Variants in RBFOX1 observed in about 807,000 individuals in gnomAD.
RBFOX1 encodes the protein RNA binding fox-1 homolog 1.
A neutral mutation model predicts 57.7 loss-of-function variants in RBFOX1; 8 were observed. The ratio of observed to expected loss-of-function variants is 0.14; its 90% confidence interval spans 0.08 to 0.25. RBFOX1 has a LOEUF of 0.25. Among genes scored for constraint, RBFOX1 ranks in the 10% least tolerant of loss-of-function variants. The pLI, the probability that RBFOX1 is intolerant of heterozygous loss-of-function variation, is 1.00. For synonymous variants in RBFOX1, 326 were observed against 222.4 expected (o/e 1.47, Z -4.15); for missense variants, 611 against 548.5 (o/e 1.11, Z -1.14).
intron 2 of RBFOX1, among the ~76,000 whole-genome samples, chr16:5,499,118 C>T (rs1217275342): frequency 1.3e-5 from 2 of 152,190 alleles, no homozygotes; most frequent in Non-Finnish European, 2.9e-5. Flanking sequence ...TCTCCATTTC[C>T]CTCAGCTTTT....
intron 3 of RBFOX1, among the ~76,000 whole-genome samples, chr16:6,815,638 C>T (rs778581665): frequency 2.0e-5 from 3 of 152,152 alleles, no homozygotes; most frequent in Middle Eastern, 3.2e-3. Context: ...GTGACTTTCT[C>T]AAGGCTACCT....
At position 5,759,160 on chromosome 16, in the gene RBFOX1, G is replaced by T. The variant is rs149232474; in HGVS notation, c.319-108143G>T. Among the ~76,000 whole-genome samples the T allele has an allele frequency of 3.2e-3, 482 of 152,278 alleles. 4 individuals are homozygous for T. Among genetic ancestry groups the T allele is most frequent in the Middle Eastern group, 0.017 (5 of 294 alleles). ...TTTATTTTTGGCAGTATCAGTAGGGGTTCATTAGCCTAACTTCCTATCCAC... is the reference window on the plus strand; with the variant it reads ...TTTATTTTTGGCAGTATCAGTAGGGTTTCATTAGCCTAACTTCCTATCCAC... On this transcript the variant is annotated intron_variant, in intron 3 of 19. Coordinates refer to the RBFOX1 transcript ENST00000641259.
rs533363581 is a variant in RBFOX1 at position 5,533,905 on chromosome 16, C to T, written c.259-64997C>T. Among the ~76,000 whole-genome samples the T allele has an allele frequency of 2.2e-4, 33 of 152,212 alleles. No individual in the cohort carries two copies. The South Asian group carries it at 4.0e-3, about 18-fold the overall frequency. On this transcript the variant is annotated intron_variant, in intron 2 of 2. Transcript: ENST00000585867. ...GTTGGTCAGAATTCTAAGATGCAAG[C>T]AACAGAAAGTGACTGGGGGTGATTT...
intron 2 of RBFOX1, among the ~76,000 whole-genome samples, chr16:6,510,454 A>G (rs1411338828): frequency 6.6e-6 from 1 of 152,190 alleles, no homozygotes; most frequent in African/African-American, 2.4e-5. Context: ...TCACTAAGAA[A>G]GATGTGATTT....
At chr16:7,482,844 C>G (rs2064348139) in intron 4 of RBFOX1, among the ~76,000 whole-genome samples, 1 of 152,134 alleles carries the variant, frequency 6.6e-6, no homozygotes. Flanking sequence ...ATCCTGAACA[C>G]CATGTACAGG....
At chr16:6,231,656 A>G (rs1419322406) in intron 1 of RBFOX1, among the ~76,000 whole-genome samples, 1 of 152,192 alleles carries the variant, frequency 6.6e-6, no homozygotes. Context: ...GAGGCCACTT[A>G]CAATCACTGT....
chr16:6,906,107 T>TA (rs35176266), intron 3 of RBFOX1, among the ~76,000 whole-genome samples: 56 of 151,564 alleles, frequency 3.7e-4, no homozygotes, highest in Admixed American at 3.0e-3. Context: ...GCTTTATCAT[T>TA]AAAAAAAAAT....
At chr16:7,557,808 T>C (rs2089159356) in intron 5 of RBFOX1, among the ~76,000 whole-genome samples, 1 of 151,954 alleles carries the variant, frequency 6.6e-6, no homozygotes, top group Admixed American at 6.6e-5. Flanking sequence ...GGGAGAGGGC[T>C]CCAGAGACTG....
chr16:5,714,018 T>A (rs8063247), intron 3 of RBFOX1, among the ~76,000 whole-genome samples: 12,429 of 152,168 alleles, frequency 0.082, 1,699 homozygotes, highest in African/African-American at 0.28. Flanking sequence ...TGTTACCTAA[T>A]TAGGAGGTAA....
intron 4 of RBFOX1, among the ~76,000 whole-genome samples, chr16:7,354,090 G>A (rs1015130772): frequency 6.6e-6 from 1 of 152,104 alleles, no homozygotes; most frequent in Non-Finnish European, 1.5e-5. Flanking sequence ...TCCTGCCTCA[G>A]CCTCCTGAGT....
intron 2 of RBFOX1, among the ~76,000 whole-genome samples, chr16:6,643,405 T>TTCC (rs1470052842): frequency 7.9e-6 from 1 of 127,376 alleles, no homozygotes; most frequent in Non-Finnish European, 1.6e-5. Context: ...TGAATCTTGG[T>TTCC]TTTTGTTTGT....
chr16:5,884,481 C>G (rs1318290085), intron 4 of RBFOX1, among the ~76,000 whole-genome samples: 1 of 150,244 alleles, frequency 6.7e-6, no homozygotes, highest in Non-Finnish European at 1.5e-5. Flanking sequence ...TACCCCCGCC[C>G]CCGGCTAGGG....
intron 2 of RBFOX1, among the ~76,000 whole-genome samples, chr16:6,478,061 A>C (rs562246810): frequency 6.6e-6 from 1 of 151,996 alleles, no homozygotes; most frequent in East Asian, 1.9e-4. Context: ...GGCTGGTTTG[A>C]TCTTCCATCT....
intron 3 of RBFOX1, among the ~76,000 whole-genome samples, chr16:7,019,588 T>G (rs2094103781): frequency 6.6e-6 from 1 of 152,214 alleles, no homozygotes; most frequent in Admixed American, 6.5e-5. Context: ...TGATCTGTTC[T>G]GTGAATACGT....
intron 2 of RBFOX1, among the ~76,000 whole-genome samples, chr16:5,504,488 C>G (rs544610489): frequency 6.6e-6 from 1 of 152,218 alleles, no homozygotes; most frequent in African/African-American, 2.4e-5. Context: ...CAGTCACTGT[C>G]CACACACGCA....
chr16:5,391,417 A>C (rs745651787), intron 1 of RBFOX1, among the ~76,000 whole-genome samples: 3 of 152,210 alleles, frequency 2.0e-5, no homozygotes, highest in Non-Finnish European at 2.9e-5. Context: ...TCCGTCTTCA[A>C]AGCTAGCCAG....
intron 2 of RBFOX1, among the ~76,000 whole-genome samples, chr16:6,587,291 T>G (rs1600701915): frequency 1.7e-5 from 1 of 58,378 alleles, no homozygotes; most frequent in East Asian, 4.2e-4. Context: ...GAGTTTGGCC[T>G]TTTTTTTTGA....
At chr16:5,433,776 C>A (rs1429102358) in intron 1 of RBFOX1, among the ~76,000 whole-genome samples, 1 of 152,136 alleles carries the variant, frequency 6.6e-6, no homozygotes, top group Non-Finnish European at 1.5e-5. Flanking sequence ...GGTGTCAGGC[C>A]CTTCTTGTTC....
chr16:6,879,826 TA>T (rs2062566507), intron 3 of RBFOX1, among the ~76,000 whole-genome samples: 1 of 152,234 alleles, frequency 6.6e-6, no homozygotes, highest in African/African-American at 2.4e-5. Context: ...TTTATGATGT[TA>T]AATTTACAAA....
Sources: gnomAD v4.1 joint callset for allele counts (sites outside exome capture counted in the v4.1 genomes callset) on GRCh38, gnomAD v4.1.1 for gene constraint, MANE v1.5 for transcripts, NCBI Gene and HGNC (gene_info 2026-07-23, HGNC 2026-07-21) for gene names.